The following NAV2 variants were observed in gnomAD, a reference collection of about 807,000 sequenced individuals.
The protein encoded by NAV2 is neuron navigator 2, also known as helicase, APC down-regulated 1.
NAV2 carries 54 observed loss-of-function variants against 223.2 expected under a neutral mutation model. That is an observed-to-expected ratio of 0.24 (90% CI 0.19 to 0.30). The LOEUF is 0.30. NAV2 is among the 10% of genes least tolerant of loss of function. The pLI is 1.00. For missense variants in NAV2, 2,806 were observed against 3,147.5 expected (o/e 0.89, Z 2.60); for synonymous variants, 1,279 against 1,239.3 (o/e 1.03, Z -0.67).
intron 1 of NAV2, among the ~76,000 whole-genome samples, chr11:19,413,741 A>G (rs570359257): frequency 1.3e-5 from 2 of 152,330 alleles, no homozygotes; most frequent in South Asian, 4.1e-4. Flanking sequence ...TAGAAACCCT[A>G]CAAGCCAGAA....
chr11:19,409,512 C>A (rs1181879470), intron 1 of NAV2, among the ~76,000 whole-genome samples: 1 of 152,024 alleles, frequency 6.6e-6, no homozygotes, highest in African/African-American at 2.4e-5. Flanking sequence ...GGGGCCTTGG[C>A]AAGGTTGAGA....
At chr11:19,756,468 G>T (rs932180450) in intron 1 of NAV2, among the ~76,000 whole-genome samples, 1 of 152,120 alleles carries the variant, frequency 6.6e-6, no homozygotes, top group Non-Finnish European at 1.5e-5. Context: ...TGCGCGCAAG[G>T]GGCAGTCATG....
chr11:19,986,298 T>C (rs1204430847), intron 11 of NAV2, among the ~76,000 whole-genome samples: 2 of 152,198 alleles, frequency 1.3e-5, no homozygotes, highest in African/African-American at 4.8e-5. Context: ...CTCTCCAGAC[T>C]GGAATGCTCC....
At chr11:19,777,464 A>G in intron 1 of NAV2, 1 of 454,124 alleles carries the variant, frequency 2.2e-6, no homozygotes, top group Non-Finnish European at 4.4e-6. Context: ...GCCCTGAAGT[A>G]AGATGAGCGT....
At chr11:19,353,110 G>A (rs775477380) in intron 1 of NAV2, among the ~76,000 whole-genome samples, 7 of 152,108 alleles carry the variant, frequency 4.6e-5, no homozygotes, top group Non-Finnish European at 8.8e-5. Flanking sequence ...GCACAATCGA[G>A]GCATCTGCTG....
chr11:19,503,929 T>C (rs1347424286), intron 1 of NAV2: 2 of 152,156 alleles, frequency 1.3e-5, no homozygotes, highest in Admixed American at 6.5e-5. Context: ...TGATCGAGGA[T>C]TGTTATCCAA....
At position 19,721,778 on chromosome 11, in the gene NAV2, G is replaced by T. The variant is rs183419305; in HGVS notation, c.267+7816G>T. On this transcript the variant is annotated intron_variant, in intron 1 of 37. Coordinates refer to ENST00000349880, the MANE Select transcript of NAV2 (RefSeq NM_145117.5). The stretch of plus-strand genomic sequence containing the variant: ...TTCTATCCATTTCAATGGTATTGGG[G>T]TTATGTAAGGAAATGTCCTTTTTCT... Among the ~76,000 whole-genome samples, 8 of 152,326 alleles carry T rather than the reference G, an allele frequency of 5.3e-5. No homozygotes were observed. In the East Asian group the frequency reaches 1.5e-3, roughly 29 times the overall value.
intron 1 of NAV2, among the ~76,000 whole-genome samples, chr11:19,379,696 G>A (rs1229599652): frequency 1.3e-5 from 2 of 152,180 alleles, no homozygotes; most frequent in Non-Finnish European, 2.9e-5. Context: ...AGCTTCACAT[G>A]GACTTCTTCC....
At chr11:19,961,250 C>T (rs1177742131) in intron 10 of NAV2, among the ~76,000 whole-genome samples, 2 of 152,074 alleles carry the variant, frequency 1.3e-5, no homozygotes, top group Non-Finnish European at 2.9e-5. Context: ...GCACCCGGCC[C>T]ACGTTTATTT....
intron 1 of NAV2, among the ~76,000 whole-genome samples, chr11:19,613,902 C>T (rs2046713846): frequency 6.6e-6 from 1 of 152,158 alleles, no homozygotes. Context: ...ATGGATAAAA[C>T]CTAAATTGCC....
intron 1 of NAV2, among the ~76,000 whole-genome samples, chr11:19,799,898 C>T (rs2058136708): frequency 6.6e-6 from 1 of 152,080 alleles, no homozygotes; most frequent in African/African-American, 2.4e-5. Flanking sequence ...ACTTAAGTGA[C>T]TTTCATCATT....
intron 22 of NAV2, 122 bp from the exon 23 acceptor site, chr11:20,077,430 G>A: frequency 1.5e-6 from 1 of 673,660 alleles, no homozygotes; most frequent in Non-Finnish European, 2.6e-6. Context: ...GGATTCAAGA[G>A]GAGGCTGAAA....
At chr11:19,545,774 T>A (rs1310882877) in intron 1 of NAV2, among the ~76,000 whole-genome samples, 1 of 151,976 alleles carries the variant, frequency 6.6e-6, no homozygotes, top group East Asian at 1.9e-4. Flanking sequence ...GGTTTTTTTT[T>A]AGCTCATCAG....
chr11:19,933,319 C>T lies in NAV2; in HGVS notation c.1075C>T (p.Arg359Cys), dbSNP rs372267018. Residue 359 changes from arginine (R) to cysteine (C), a missense_variant, in exon 7 of 38, where the codon CGC (arginine) becomes TGC (cysteine). Physicochemically the swap from Arg to Cys is radical, Grantham distance 180 (BLOSUM62 -3). This residue lies in a region of NAV2 where 1,167 missense variants were observed against 1,180.5 expected (regional missense o/e 0.99). Transcript: ENST00000349880. This position sits in a 1 kb window ranked among gnomAD's most constrained non-coding sequence, Gnocchi z 4.3. ...GCCCGGTGCAGCCACCAAGCCTTGG[C>T]GCAGCAAATCCCTCAGCGTGAAGCA... ...PQPGAATKPW[R>C]SKSLSVKHSA... 4 of 1,613,150 alleles carry T rather than the reference C, an allele frequency of 2.5e-6. No individual in the cohort carries two copies. The highest frequency in any genetic ancestry group is 1.7e-5 in the Admixed American group (1 of 59,852).
intron 1 of NAV2, among the ~76,000 whole-genome samples, chr11:19,627,936 A>G (rs972166688): frequency 6.0e-5 from 9 of 151,096 alleles, no homozygotes; most frequent in Admixed American, 2.0e-4. Context: ...AAAGAAGAAG[A>G]AGAAGAAGAA....
chr11:20,006,103 A>G (rs2053044242), intron 11 of NAV2, among the ~76,000 whole-genome samples: 1 of 152,132 alleles, frequency 6.6e-6, no homozygotes, highest in African/African-American at 2.4e-5. Flanking sequence ...GGAAAACTGT[A>G]TATCCCCGAC....
intron 6 of NAV2, among the ~76,000 whole-genome samples, chr11:19,898,936 C>A (rs1050108771): frequency 5.9e-5 from 9 of 152,194 alleles, no homozygotes; most frequent in African/African-American, 1.4e-4. Context: ...ACTGCTTTGA[C>A]AACCAGTTGC....
At chr11:19,399,320 T>A (rs1849589364) in intron 1 of NAV2, among the ~76,000 whole-genome samples, 1 of 152,210 alleles carries the variant, frequency 6.6e-6, no homozygotes, top group Non-Finnish European at 1.5e-5. Flanking sequence ...AGCAGCTCTT[T>A]ATTTCAGCTC....
chr11:20,050,767 G>A (rs1339740511), intron 16 of NAV2, among the ~76,000 whole-genome samples: 2 of 152,164 alleles, frequency 1.3e-5, no homozygotes, highest in Non-Finnish European at 2.9e-5. Context: ...AGAGGGACCT[G>A]GAATTCACTT....
Sources: allele counts gnomAD v4.1 joint callset (sites outside exome capture counted in the v4.1 genomes callset), GRCh38; gene constraint gnomAD v4.1.1; regional missense constraint gnomAD v4.1.1; non-coding constraint Gnocchi (gnomAD v3.1); transcripts MANE v1.5; gene names NCBI Gene and HGNC (gene_info 2026-07-23, HGNC 2026-07-21).